Variants in PSPH observed in about 807,000 individuals in gnomAD.
PSPH encodes L-3-phosphoserine phosphatase.
In PSPH, 16 loss-of-function variants were observed where a neutral mutation model predicts 23.4. The observed-to-expected ratio is 0.68, with a 90% CI of 0.46 to 1.04. The LOEUF (loss-of-function observed/expected upper bound fraction) is 1.04, where lower values mean the gene tolerates loss of function less well. Among genes scored for constraint, PSPH ranks in the 50% least tolerant of loss-of-function variants. The probability of loss-of-function intolerance (pLI) is 0.00; values close to 1 mark genes in which losing one functional copy is unlikely to be tolerated. For missense variants in PSPH, 223 were observed against 273.7 expected (o/e 0.81, Z 1.31); for synonymous variants, 68 against 99.7 (o/e 0.68, Z 1.89).
intron 1 of PSPH, among the ~76,000 whole-genome samples, chr7:56,044,674 C>T (rs531056533): frequency 7.4e-4 from 113 of 152,144 alleles, no homozygotes; most frequent in African/African-American, 2.5e-3. Context: ...GCAGGAGGAT[C>T]GCTTGAGGCT....
At chr7:56,025,162 C>A (rs545119347) in intron 3 of PSPH, among the ~76,000 whole-genome samples, 3 of 152,070 alleles carry the variant, frequency 2.0e-5, no homozygotes, top group African/African-American at 7.2e-5. Flanking sequence ...ATGCCCATCA[C>A]GATCTGGCTC....
At chr7:56,044,582 A>G (rs139378297) in intron 1 of PSPH, among the ~76,000 whole-genome samples, 1 of 152,256 alleles carries the variant, frequency 6.6e-6, no homozygotes, top group African/African-American at 2.4e-5. Flanking sequence ...ATATTAAGAA[A>G]AACAATATTG....
chr7:56,021,428 T>TC (rs906217613), intron 3 of PSPH, among the ~76,000 whole-genome samples, 197 bp from the exon 4 acceptor site: 18 of 133,076 alleles, frequency 1.4e-4, no homozygotes, highest in Non-Finnish European at 2.8e-4. Flanking sequence ...TTTCTTTCTT[T>TC]TTTTTTTTTA....
chr7:56,014,751 A>G (rs7784761), intron 7 of PSPH, among the ~76,000 whole-genome samples: 61,567 of 152,058 alleles, frequency 0.4, 12,740 homozygotes, highest in Non-Finnish European at 0.45. Context: ...CGAGACCAGC[A>G]TGGCCAACGT....
intron 4 of PSPH, 146 bp downstream of exon 4, chr7:56,020,927 G>C (rs1789296358): frequency 2.3e-6 from 2 of 873,108 alleles, no homozygotes; most frequent in Non-Finnish European, 3.6e-6. Flanking sequence ...TTATATAAAT[G>C]AATGAATATG....
intron 7 of PSPH, among the ~76,000 whole-genome samples, chr7:56,014,224 T>C (rs1408252052): frequency 6.6e-6 from 1 of 152,164 alleles, no homozygotes; most frequent in Admixed American, 6.6e-5. Flanking sequence ...AAGCATAAAA[T>C]GACATTAAAA....
chr7:56,031,217 CAAA>C (rs781209477), intron 3 of PSPH, among the ~76,000 whole-genome samples: 1 of 112,636 alleles, frequency 8.9e-6, no homozygotes. Flanking sequence ...GACTCCGTCT[CAAA>C]AAAAAAAAAA....
At chr7:56,023,015 C>T (rs1434155652) in intron 3 of PSPH, among the ~76,000 whole-genome samples, 5 of 152,072 alleles carry the variant, frequency 3.3e-5, no homozygotes, top group East Asian at 1.9e-4. Context: ...GCCAAGATCA[C>T]GCCACTGCAC....
At chr7:56,034,919 AT>A (rs1373669556) in intron 1 of PSPH, among the ~76,000 whole-genome samples, 1 of 138,514 alleles carries the variant, frequency 7.2e-6, no homozygotes, top group African/African-American at 3.0e-5. Context: ...TTAAATAGAG[AT>A]GGGGGGGGGT....
intron 3 of PSPH, among the ~76,000 whole-genome samples, chr7:56,027,107 A>T (rs1489690726): frequency 2.0e-5 from 3 of 151,800 alleles, no homozygotes; most frequent in Non-Finnish European, 4.4e-5. Context: ...CAGGAGGCTG[A>T]GGCAAGAGAA....
chr7:56,028,697 A>G (rs903969638), intron 3 of PSPH, among the ~76,000 whole-genome samples: 1 of 151,160 alleles, frequency 6.6e-6, no homozygotes, highest in Non-Finnish European at 1.5e-5. Context: ...AAGAGTATCA[A>G]CTCCCTCCCT....
intron 1 of PSPH, among the ~76,000 whole-genome samples, chr7:56,038,438 G>A (rs1027565571): frequency 3.3e-5 from 5 of 151,974 alleles, no homozygotes; most frequent in African/African-American, 7.2e-5. Context: ...TAGCCTGGGC[G>A]ATAAAGCGAG....
Position 56,011,858 on chromosome 7 carries a change from A to G in PSPH, c.582T>C (p.Ile194=). ...MEACPPADAF[I]GFGGNVIRQQ... is the part of the protein sequence containing the mutation. ...GCCTGATCACATTTCCTCCAAATCC[A>G]ATGAAAGCATCCTAAGAAGGAAGAA... is the stretch of plus-strand genomic sequence containing the variant. Residue 194 remains isoleucine, a synonymous_variant, in exon 8 of 8, where the codon ATT becomes ATC. Coordinates refer to ENST00000275605, the MANE Select transcript of PSPH (RefSeq NM_004577.4). 1 of 1,606,776 alleles carries G rather than the reference A, an allele frequency of 6.2e-7. No homozygotes were observed. The highest frequency in any genetic ancestry group is 1.1e-5 in the South Asian group (1 of 90,842).
intron 1 of PSPH, among the ~76,000 whole-genome samples, chr7:56,045,796 AG>A (rs2117185744): frequency 6.6e-6 from 1 of 151,144 alleles, no homozygotes; most frequent in Admixed American, 6.6e-5. Context: ...TGAGGCAAGG[AG>A]AATCGCTTAA....
At chr7:56,016,228 G>A (rs148623380) in intron 6 of PSPH, among the ~76,000 whole-genome samples, 4,655 of 150,436 alleles carry the variant, frequency 0.031, 245 homozygotes, top group African/African-American at 0.11. Context: ...ATGAAACCCC[G>A]ACTCTACTAA....
chr7:56,018,558 C>CA (rs1788900943), intron 5 of PSPH, among the ~76,000 whole-genome samples: 2 of 152,070 alleles, frequency 1.3e-5, no homozygotes, highest in African/African-American at 2.4e-5. Context: ...AAGCACCACA[C>CA]AGGCCACGCC....
At position 56,019,556 on chromosome 7, in the gene PSPH, CA is replaced by C. The variant is rs753530858; in HGVS notation, c.275+43del. 4 of 1,612,214 alleles carry C rather than the reference CA, an allele frequency of 2.5e-6. No homozygotes were observed. The South Asian group carries it at 4.4e-5, about 18-fold the overall frequency. On this transcript the variant is annotated intron_variant, in intron 5 of 7. Transcript: ENST00000275605. ...GATGCTCTTGGGAGGATGTGCCCCC[CA>C]ACACTGGTGCTGAAATACACCTGGA... is the stretch of plus-strand genomic sequence containing the variant.
chr7:56,021,995 T>G (rs1027167335), intron 3 of PSPH, among the ~76,000 whole-genome samples: 1 of 145,952 alleles, frequency 6.9e-6, no homozygotes, highest in African/African-American at 2.5e-5. Flanking sequence ...TAAGGCTCTG[T>G]GGGAACACAG....
chr7:56,020,497 C>T (rs776613361), intron 4 of PSPH, among the ~76,000 whole-genome samples: 47 of 151,730 alleles, frequency 3.1e-4, no homozygotes, highest in Admixed American at 5.9e-4. Context: ...TGGTGGCATG[C>T]GCCTGTAATC....
Sources: gnomAD v4.1 joint callset for allele counts (sites outside exome capture counted in the v4.1 genomes callset) on GRCh38, gnomAD v4.1.1 for gene constraint, MANE v1.5 for transcripts, NCBI Gene and HGNC (gene_info 2026-07-23, HGNC 2026-07-21) for gene names.